The following ARMH3 variants were observed in gnomAD, a reference collection of about 807,000 sequenced individuals.
The protein encoded by ARMH3 is armadillo-like helical domain-containing protein 3.
In ARMH3, 60 loss-of-function variants were observed where a neutral mutation model predicts 99.1. That is an observed-to-expected ratio of 0.61 (90% confidence interval 0.49 to 0.75). ARMH3 has a LOEUF of 0.75. ARMH3 is among the 30% of genes least tolerant of loss of function. ARMH3 has a pLI of 0.00. For missense variants in ARMH3, 679 were observed against 843.1 expected, an observed-to-expected ratio of 0.81 and a Z score of 2.41; for synonymous variants, 285 against 292.8, an observed-to-expected ratio of 0.97 and a Z score of 0.27.
intron 23 of ARMH3, among the ~76,000 whole-genome samples, chr10:101,928,657 AGG>A (rs1393223807): frequency 5.3e-5 from 8 of 152,206 alleles, no homozygotes; most frequent in African/African-American, 1.9e-4. Context: ...CAAGAGAGAG[AGG>A]CCTTGTCTCT....
chr10:102,033,424 CT>C (rs370808918), intron 2 of ARMH3, 85 bp from the exon 3 acceptor site: 101,972 of 1,017,086 alleles, frequency 0.1, 1 homozygote, highest in South Asian at 0.13. Context: ...CCTTAGTTTT[CT>C]TTTTTTTTTT....
intron 19 of ARMH3, among the ~76,000 whole-genome samples, chr10:101,983,237 G>C (rs1846310726): frequency 6.6e-6 from 1 of 152,162 alleles, no homozygotes; most frequent in South Asian, 2.1e-4. Context: ...GGAGAGAAGA[G>C]GGGCTGAAGG....
intron 23 of ARMH3, among the ~76,000 whole-genome samples, chr10:101,898,493 T>G (rs770274755): frequency 2.6e-5 from 4 of 152,056 alleles, no homozygotes; most frequent in Non-Finnish European, 4.4e-5. Flanking sequence ...AAACAATAAA[T>G]AAATAGTTTC....
chr10:101,889,655 G>A (rs1199565585), intron 23 of ARMH3, 165 bp from the exon 24 acceptor site: 2 of 671,924 alleles, frequency 3.0e-6, no homozygotes, highest in Non-Finnish European at 5.5e-6. Context: ...AAATGGGGGT[G>A]AATTGATAAC....
At chr10:101,958,007 A>C (rs1325089514) in intron 20 of ARMH3, among the ~76,000 whole-genome samples, 4 of 152,184 alleles carry the variant, frequency 2.6e-5, no homozygotes, top group African/African-American at 4.8e-5. Flanking sequence ...TCTGACTATA[A>C]AACTGACATC....
At chr10:101,980,556 C>A (rs1846181844) in intron 19 of ARMH3, among the ~76,000 whole-genome samples, 1 of 152,136 alleles carries the variant, frequency 6.6e-6, no homozygotes, top group African/African-American at 2.4e-5. Flanking sequence ...ACCTCAGCCT[C>A]CCAAAGTGCT....
At chr10:101,877,251 T>C (rs556995072) in intron 24 of ARMH3, among the ~76,000 whole-genome samples, 2 of 152,022 alleles carry the variant, frequency 1.3e-5, no homozygotes, top group African/African-American at 4.8e-5. Context: ...TGCAGTGAGC[T>C]ATTCAGGAGG....
At chr10:102,043,425 T>C (rs2067468328) in intron 1 of ARMH3, among the ~76,000 whole-genome samples, 1 of 152,208 alleles carries the variant, frequency 6.6e-6, no homozygotes, top group African/African-American at 2.4e-5. Flanking sequence ...AAGCCCTAGT[T>C]TAGGCACTAT....
intron 14 of ARMH3, among the ~76,000 whole-genome samples, chr10:102,002,777 A>G (rs1172399853): frequency 6.6e-6 from 1 of 151,818 alleles, no homozygotes; most frequent in African/African-American, 2.4e-5. Context: ...CCTGGCCAAC[A>G]TGGTGAAACC....
At chr10:101,871,213 T>C (rs1185754152) in intron 24 of ARMH3, among the ~76,000 whole-genome samples, 1 of 152,164 alleles carries the variant, frequency 6.6e-6, no homozygotes, top group Non-Finnish European at 1.5e-5. Flanking sequence ...GTATATTATG[T>C]TTACTCCATT....
intron 24 of ARMH3, among the ~76,000 whole-genome samples, chr10:101,868,614 G>C (rs975987738): frequency 6.6e-6 from 1 of 152,062 alleles, no homozygotes; most frequent in Non-Finnish European, 1.5e-5. Flanking sequence ...ACATGAAGAT[G>C]ATGAGGAAGA....
intron 23 of ARMH3, among the ~76,000 whole-genome samples, chr10:101,900,378 A>G (rs1430441917): frequency 6.6e-6 from 1 of 152,242 alleles, no homozygotes. Context: ...AATGTGTATT[A>G]GATGTTCTGT....
At chr10:101,970,323 G>A (rs1564806253) in intron 20 of ARMH3, among the ~76,000 whole-genome samples, 1 of 152,180 alleles carries the variant, frequency 6.6e-6, no homozygotes, top group Non-Finnish European at 1.5e-5. Flanking sequence ...AATAAACTAA[G>A]GTGGATGGCT....
rs1370373525 is a variant in ARMH3 at position 101,845,767 on chromosome 10, A to G, written c.*1761T>C. The G allele has an allele frequency of 2.0e-5, 3 of 152,188 alleles. No individual in the cohort carries two copies. The highest frequency in any genetic ancestry group is 2.9e-5 in the Non-Finnish European group (2 of 68,044). 9.4% of individuals were successfully genotyped at this position (152,188 alleles called of 1,614,324 possible). ...ATCTCTTAAGAACCTACATCTACAC[A>G]TGGCAGCCTGTTAGTGGCTTCTCTG... On this transcript the variant is annotated 3_prime_UTR_variant, in exon 26 of 26. Transcript: ENST00000370033.
At chr10:101,914,864 CAAAAAAAAAAAA>C (rs373264871) in intron 23 of ARMH3, among the ~76,000 whole-genome samples, 2 of 66,600 alleles carry the variant, frequency 3.0e-5, no homozygotes, top group African/African-American at 6.5e-5. Flanking sequence ...AAATCCATCT[CAAAAAAAAAAAA>C]AAAAAAAAAG....
chr10:101,882,220 G>A (rs1257385019), intron 24 of ARMH3, among the ~76,000 whole-genome samples: 2 of 152,216 alleles, frequency 1.3e-5, no homozygotes, highest in African/African-American at 4.8e-5. Context: ...GGTCAGGAAT[G>A]TGACTGAAAG....
chr10:102,041,812 C>T (rs2067432672), intron 1 of ARMH3, among the ~76,000 whole-genome samples: 1 of 152,086 alleles, frequency 6.6e-6, no homozygotes, highest in Non-Finnish European at 1.5e-5. Flanking sequence ...CCATGCCTGG[C>T]TAATTTTTTG....
Position 102,014,032 on chromosome 10 carries a change from A to T in ARMH3, c.670-8T>A. 1.2e-6 allele frequency: 2 copies of T among 1,605,922 alleles called. No individual in the cohort carries two copies. The highest frequency in any genetic ancestry group is 1.7e-6 in the Non-Finnish European group (2 of 1,175,622). On this transcript the variant is annotated splice_region_variant and splice_polypyrimidine_tract_variant and intron_variant, in intron 8 of 25. Coordinates refer to ENST00000370033, the MANE Select transcript of ARMH3 (RefSeq NM_024541.3). ...AATATAAGGATTCACAGACTGTTAA[A>T]TAAGAGAAGAGACTCCAGGTAAGTC...
chr10:101,895,331 G>A (rs1004258516), intron 23 of ARMH3, among the ~76,000 whole-genome samples: 1 of 148,416 alleles, frequency 6.7e-6, no homozygotes, highest in Non-Finnish European at 1.5e-5. Flanking sequence ...CCAGGCTGCA[G>A]TGCAGTGGTG....
Sources: gnomAD v4.1 joint callset for allele counts (sites outside exome capture counted in the v4.1 genomes callset) on GRCh38, gnomAD v4.1.1 for gene constraint, MANE v1.5 for transcripts, NCBI Gene and HGNC (gene_info 2026-07-23, HGNC 2026-07-21) for gene names.